PRSS12: variants seen among roughly 807,000 people sequenced by gnomAD.
PRSS12 encodes neurotrypsin.
In PRSS12, 85 loss-of-function variants were observed where a neutral mutation model predicts 104.4. The observed-to-expected ratio is 0.81, with a 90% CI of 0.68 to 0.98. PRSS12 has a LOEUF of 0.98. Among genes scored for constraint, PRSS12 ranks in the 50% least tolerant of loss-of-function variants. The probability of loss-of-function intolerance (pLI) is 0.00; values close to 1 mark genes in which losing one functional copy is unlikely to be tolerated. For missense variants in PRSS12, 1,141 were observed against 1,139.2 expected (o/e 1.00, Z -0.02); for synonymous variants, 454 against 425.2 (o/e 1.07, Z -0.83).
chr4:118,320,815 C>G (rs1455012465), intron 4 of PRSS12, among the ~76,000 whole-genome samples: 2 of 152,108 alleles, frequency 1.3e-5, no homozygotes, highest in East Asian at 3.9e-4. Flanking sequence ...GCTCCGTCAT[C>G]ACCTGACTCA....
intron 9 of PRSS12, among the ~76,000 whole-genome samples, chr4:118,298,532 T>C (rs1436311297): frequency 6.6e-6 from 1 of 152,168 alleles, no homozygotes; most frequent in Admixed American, 6.5e-5. Context: ...CGTAAATTCA[T>C]TCCTACCCCT....
intron 1 of PRSS12, among the ~76,000 whole-genome samples, chr4:118,346,709 T>A: frequency 6.6e-6 from 1 of 152,114 alleles, no homozygotes. Context: ...ATCGCTCACA[T>A]TACCACCTGA....
intron 6 of PRSS12, among the ~76,000 whole-genome samples, chr4:118,314,485 G>C (rs1158373615): frequency 6.6e-6 from 1 of 151,928 alleles, no homozygotes; most frequent in African/African-American, 2.4e-5. Flanking sequence ...TTAACTTATA[G>C]ACCATTTTTT....
At chr4:118,343,225 CAAAAAAA>C (rs925840370) in intron 1 of PRSS12, among the ~76,000 whole-genome samples, 9 of 133,750 alleles carry the variant, frequency 6.7e-5, no homozygotes, top group Admixed American at 2.3e-4. Flanking sequence ...ACTGTCTTTA[CAAAAAAA>C]AAAAAATTAA....
intron 11 of PRSS12, among the ~76,000 whole-genome samples, chr4:118,283,880 T>G (rs1742953296): frequency 6.6e-6 from 1 of 152,194 alleles, no homozygotes; most frequent in South Asian, 2.1e-4. Context: ...ATATCTTTGT[T>G]GTGTTCACTG....
At chr4:118,321,164 T>C (rs987379552) in intron 4 of PRSS12, among the ~76,000 whole-genome samples, 1 of 152,174 alleles carries the variant, frequency 6.6e-6, no homozygotes, top group African/African-American at 2.4e-5. Flanking sequence ...ATTGTCAAAA[T>C]GACAATTTTG....
chr4:118,314,756 C>CATAG (rs1321534932), intron 6 of PRSS12, among the ~76,000 whole-genome samples: 2 of 151,762 alleles, frequency 1.3e-5, no homozygotes, highest in Non-Finnish European at 2.9e-5. Context: ...ATACTCTGTG[C>CATAG]ATAGATTTGT....
At position 118,352,734 on chromosome 4, in the gene PRSS12, C is replaced by A. The variant is rs776991653; in HGVS notation, c.-14G>T. ...GGCGAGCGTCATGGTGCCAGCGCTG[C>A]GGGGTCTGGTCCATGCTCCCCAGCT... On this transcript the variant is annotated 5_prime_UTR_variant, in exon 1 of 13. Transcript: ENST00000296498. The A allele has an allele frequency of 6.3e-7, 1 of 1,577,054 alleles. No homozygotes were observed. Among genetic ancestry groups the A allele is most frequent in the Non-Finnish European group, 8.6e-7 (1 of 1,158,252 alleles).
chr4:118,352,427 T>G lies in PRSS12; in HGVS notation c.294A>C (p.Pro98=). 3.3e-6 allele frequency: 5 copies of G among 1,508,408 alleles called. No homozygotes were observed. The highest frequency in any genetic ancestry group is 4.4e-6 in the Non-Finnish European group (5 of 1,132,388). 93.4% of individuals were successfully genotyped at this position (1,508,408 alleles called of 1,614,324 possible). A position where few individuals can be genotyped will look rare whatever the true frequency, so the allele number is the denominator to read the frequency against. The change falls in exon 1 of 13, where the codon CCA becomes CCC. Residue 98 remains proline, a synonymous_variant. Transcript: ENST00000296498. The part of the protein sequence containing the change: ...PHPWGCPAGE[P]WVSVTDFGAP... ...CGCCGAAGTCCGTCACGCTGACCCA[T>G]GGCTCGCCGGCGGGGCAGCCCCAGG... is the stretch of plus-strand genomic sequence containing the variant.
chr4:118,328,198 G>A (rs1012709395), intron 4 of PRSS12, among the ~76,000 whole-genome samples: 1 of 152,190 alleles, frequency 6.6e-6, no homozygotes, highest in Non-Finnish European at 1.5e-5. Flanking sequence ...GCAAACTTAT[G>A]AGAGAACTAT....
chr4:118,297,967 G>A (rs1289691203), intron 9 of PRSS12, among the ~76,000 whole-genome samples: 3 of 151,780 alleles, frequency 2.0e-5, no homozygotes, highest in Admixed American at 6.6e-5. Context: ...TGAAACCCCC[G>A]TCTCTACTAA....
intron 1 of PRSS12, among the ~76,000 whole-genome samples, chr4:118,351,257 G>T (rs1724495427): frequency 6.6e-6 from 1 of 151,928 alleles, no homozygotes; most frequent in South Asian, 2.1e-4. Context: ...GGAAACCCTT[G>T]CCCCACAGTG....
chr4:118,339,281 C>A (rs1724139466), intron 1 of PRSS12, among the ~76,000 whole-genome samples: 1 of 152,036 alleles, frequency 6.6e-6, no homozygotes, highest in South Asian at 2.1e-4. Context: ...CCTACAATGG[C>A]CTTTCACAGG....
At position 118,282,996 on chromosome 4, in the gene PRSS12, G is replaced by A. The variant is rs148288834; in HGVS notation, c.2155C>T (p.Arg719Ter). 3.3e-5 allele frequency: 53 copies of A among 1,613,972 alleles called. No individual in the cohort carries two copies. Among genetic ancestry groups the A allele is most frequent in the Middle Eastern group, 1.6e-4 (1 of 6,084 alleles). Residue 719 changes from arginine (R) to a stop codon, truncating the protein, a stop_gained, in exon 12 of 13, where the codon CGA becomes TGA. Transcript: ENST00000296498. LOFTEE classifies it high-confidence loss of function. ...ATGTCATAATCACTGCGGTCGGGTC[G>A]ATACTCCCGATGAATCACAATCTGT... ...VQQIVIHREYRPDRSDYDIAL... is the reference protein window; with the variant it reads ...VQQIVIHREY
At position 118,335,576 on chromosome 4, in the gene PRSS12, G is replaced by T; in HGVS notation, c.717C>A (p.Cys239Ter). The change falls in exon 3 of 13, where the codon TGC becomes TGA. Residue 239 changes from cysteine (C) to a stop codon, truncating the protein, a stop_gained. Coordinates refer to ENST00000296498, the MANE Select transcript of PRSS12 (RefSeq NM_003619.4). LOFTEE classifies it high-confidence loss of function. Reference protein sequence around the residue: ...LIPIYWSNVRCRGDEENILLC... With the variant: ...LIPIYWSNVR ...GCAGTATATTTTCTTCATCTCCTCGGCAACGGACATTGCTCCAATAAATGG... is the reference window on the plus strand; with the variant it reads ...GCAGTATATTTTCTTCATCTCCTCGTCAACGGACATTGCTCCAATAAATGG... 1 of 1,613,946 alleles carries T rather than the reference G, an allele frequency of 6.2e-7. No individual in the cohort carries two copies. Among genetic ancestry groups the T allele is most frequent in the South Asian group, 1.1e-5 (1 of 91,064 alleles).
At position 118,312,897 on chromosome 4, in the gene PRSS12, A is replaced by C; in HGVS notation, c.1489+304T>G. On this transcript the variant is annotated intron_variant, in intron 7 of 12. Coordinates refer to ENST00000296498, the MANE Select transcript of PRSS12 (RefSeq NM_003619.4). ...AATCAGAATAAGTGACCGAGGAGTA[A>C]GGGGAATAGATACTGCAGCTTCTTT... 1.1e-5 allele frequency: 4 copies of C among 373,370 alleles called. 1 individual carries two copies. Among genetic ancestry groups the C allele is most frequent in the South Asian group, 1.1e-4 (4 of 38,046 alleles). 23.1% of individuals were successfully genotyped at this position (373,370 alleles called of 1,614,324 possible). A position where few individuals can be genotyped will look rare whatever the true frequency, so the allele number is the denominator to read the frequency against.
Position 118,281,952 on chromosome 4 carries a change from C to CT in PRSS12, c.2611dup (p.Ser871LysfsTer75). 1 of 1,376,924 alleles carries CT rather than the reference C, an allele frequency of 7.3e-7. No individual in the cohort carries two copies. Among genetic ancestry groups the CT allele is most frequent in the Non-Finnish European group, 1.0e-6 (1 of 963,244 alleles). 85.3% of individuals were successfully genotyped at this position (1,376,924 alleles called of 1,614,324 possible). ...CATGAAGAATTACAGTTTGGTGACA[C>CT]TTTTTATCCAAGGTACAAAGGCTGA... On this transcript the variant is annotated frameshift_variant, in exon 13 of 13. Coordinates refer to ENST00000296498, the MANE Select transcript of PRSS12 (RefSeq NM_003619.4). LOFTEE classifies it high-confidence loss of function.
intron 11 of PRSS12, among the ~76,000 whole-genome samples, chr4:118,286,320 T>A (rs1743015406): frequency 6.6e-6 from 1 of 152,216 alleles, no homozygotes; most frequent in Non-Finnish European, 1.5e-5. Flanking sequence ...TGTGCTCCTG[T>A]CATTTACACC....
At chr4:118,299,794 T>TAAAAA (rs1466337106) in intron 8 of PRSS12, among the ~76,000 whole-genome samples, 4 of 64,452 alleles carry the variant, frequency 6.2e-5, no homozygotes, top group Non-Finnish European at 1.1e-4. Context: ...TAAAATAAAA[T>TAAAAA]AAATAAAATA....
Sources: allele counts gnomAD v4.1 joint callset (sites outside exome capture counted in the v4.1 genomes callset), GRCh38; gene constraint gnomAD v4.1.1; transcripts MANE v1.5; gene names NCBI Gene and HGNC (gene_info 2026-07-23, HGNC 2026-07-21).